Variants in CERS4 observed in about 807,000 individuals in gnomAD.
CERS4 encodes LAG1 homolog, ceramide synthase 4.
A neutral mutation model predicts 51.8 loss-of-function variants in CERS4; 65 were observed. That is an observed-to-expected ratio of 1.26 (90% confidence interval 1.03 to 1.54). The LOEUF is 1.54. Ranked by LOEUF, CERS4 falls within the 40% of genes most tolerant of loss-of-function variation. The pLI is 0.00. For missense variants in CERS4, 563 were observed against 500.4 expected, an observed-to-expected ratio of 1.13 and a Z score of -1.19; for synonymous variants, 228 against 208.4, an observed-to-expected ratio of 1.09 and a Z score of -0.81.
chr19:8,225,502 C>T (rs533492224), intron 2 of CERS4, among the ~76,000 whole-genome samples: 1 of 150,348 alleles, frequency 6.7e-6, no homozygotes, highest in Non-Finnish European at 1.5e-5. Context: ...CGGCTAACTG[C>T]AACCTCCGCC....
At chr19:8,261,365 A>G in intron 10 of CERS4, 2 of 304,604 alleles carry the variant, frequency 6.6e-6, no homozygotes, top group Non-Finnish European at 1.2e-5. Flanking sequence ...GATGAAGGGG[A>G]GGTGATGGGG....
intron 2 of CERS4, among the ~76,000 whole-genome samples, chr19:8,214,722 C>T (rs1044124936): frequency 6.6e-6 from 1 of 152,050 alleles, no homozygotes; most frequent in Non-Finnish European, 1.5e-5. Flanking sequence ...TGCTGGGGTG[C>T]TCGAACCTTG....
At chr19:8,261,876 C>G in intron 11 of CERS4, 32 bp downstream of exon 11, 1 of 1,613,342 alleles carries the variant, frequency 6.2e-7, no homozygotes, top group Admixed American at 1.7e-5. Context: ...GGCCCCAGCC[C>G]TAAGCTCCTC....
chr19:8,257,235 G>C (rs1969440831), intron 9 of CERS4, 158 bp downstream of exon 9: 1 of 761,900 alleles, frequency 1.3e-6, no homozygotes, highest in Non-Finnish European at 2.1e-6. Context: ...CTGTCTTCCA[G>C]GCTGATAAGG....
At chr19:8,251,837 C>T (rs1286770030) in intron 3 of CERS4, among the ~76,000 whole-genome samples, 1 of 151,672 alleles carries the variant, frequency 6.6e-6, no homozygotes, top group East Asian at 1.9e-4. Context: ...GTTATCCCAT[C>T]CCAAAGGCAT....
chr19:8,251,033 T>C, intron 2 of CERS4, 43 bp from the exon 3 acceptor site: 1 of 1,534,034 alleles, frequency 6.5e-7, no homozygotes, highest in African/African-American at 1.4e-5. Context: ...CCCCACCCAT[T>C]CTGCTTGCAG....
At chr19:8,261,409 A>AC in intron 10 of CERS4, 1 of 450,702 alleles carries the variant, frequency 2.2e-6, no homozygotes, top group Non-Finnish European at 4.0e-6. Flanking sequence ...CCAGAGTGCC[A>AC]CCCAGGAAAG....
Position 8,255,715 on chromosome 19 carries a change from T to C in CERS4, c.400T>C (p.Cys134Arg), listed in dbSNP as rs1322076046. 1.2e-6 allele frequency: 2 copies of C among 1,610,092 alleles called. No individual in the cohort carries two copies. The highest frequency in any genetic ancestry group is 2.7e-5 in the African/African-American group (2 of 74,670). Residue 134 changes from cysteine (C) to arginine (R), a missense_variant, in exon 5 of 12, where the codon TGT (cysteine) becomes CGT (arginine). By Grantham distance (180) the Cys-to-Arg change is radical (BLOSUM62 -3). Transcript: ENST00000251363. The stretch of plus-strand genomic sequence containing the variant: ...TCGACCCCAGCTGACCAAGAAGTTC[T>C]GTGAGGCCAGGTAAGCCCAGGATGG... Reference protein sequence around the residue: ...QDRPQLTKKFCEASWRFLFYL... With the variant: ...QDRPQLTKKFREASWRFLFYL...
chr19:8,212,300 T>C (rs1344416149), intron 2 of CERS4, among the ~76,000 whole-genome samples: 1 of 151,712 alleles, frequency 6.6e-6, no homozygotes, highest in Non-Finnish European at 1.5e-5. Context: ...CTGGACCAGG[T>C]GAAGGCGTGG....
At chr19:8,226,509 T>TC (rs1967794356) in intron 2 of CERS4, among the ~76,000 whole-genome samples, 1 of 152,044 alleles carries the variant, frequency 6.6e-6, no homozygotes, top group African/African-American at 2.4e-5. Flanking sequence ...TTAGAGCAGG[T>TC]TGAGTGAAGG....
intron 2 of CERS4, among the ~76,000 whole-genome samples, chr19:8,220,837 T>C: frequency 6.6e-6 from 1 of 151,590 alleles, no homozygotes; most frequent in Non-Finnish European, 1.5e-5. Context: ...TTGTTTTTTT[T>C]TTGAGACGGA....
At position 8,255,599 on chromosome 19, in the gene CERS4, CT is replaced by C; in HGVS notation, c.292-7del. 2 of 1,607,266 alleles carry C rather than the reference CT, an allele frequency of 1.2e-6. No homozygotes were observed. The highest frequency in any genetic ancestry group is 1.7e-6 in the Non-Finnish European group (2 of 1,177,494). On this transcript the variant is annotated splice_region_variant and splice_polypyrimidine_tract_variant and intron_variant, in intron 4 of 11. Transcript: ENST00000251363. The stretch of plus-strand genomic sequence containing the variant: ...CTGTGACCCTTGTCCTCATCACCCC[CT>C]CCCCAGCCCCAGCTGTCTCTCCTGG...
intron 4 of CERS4, among the ~76,000 whole-genome samples, 169 bp from the exon 5 acceptor site, chr19:8,255,438 C>T (rs183627052): frequency 3.3e-4 from 50 of 152,318 alleles, no homozygotes; most frequent in Admixed American, 7.8e-4. Flanking sequence ...AAGTGTTCTG[C>T]AGGGCCCCAC....
intron 2 of CERS4, among the ~76,000 whole-genome samples, chr19:8,249,400 G>A (rs1427260843): frequency 2.6e-5 from 4 of 152,056 alleles, no homozygotes. Context: ...GGCTCCTCAA[G>A]CAGGCTGGGA....
At chr19:8,260,802 T>C (rs1294709821) in intron 10 of CERS4, among the ~76,000 whole-genome samples, 3 of 151,168 alleles carry the variant, frequency 2.0e-5, no homozygotes, top group African/African-American at 7.3e-5. Context: ...AATACAAAAA[T>C]TAGCTGGGCG....
At chr19:8,261,527 C>T (rs1248188830) in intron 10 of CERS4, 161 bp from the exon 11 acceptor site, 22 of 747,808 alleles carry the variant, frequency 2.9e-5, no homozygotes, top group South Asian at 1.5e-4. Context: ...GAGGGGGCCT[C>T]GCGTGCCCAG....
At chr19:8,233,544 TCAC>T (rs1968108832) in intron 2 of CERS4, among the ~76,000 whole-genome samples, 1 of 152,058 alleles carries the variant, frequency 6.6e-6, no homozygotes, top group Non-Finnish European at 1.5e-5. Flanking sequence ...GTGGCTGACT[TCAC>T]CATTACCAGA....
intron 10 of CERS4, among the ~76,000 whole-genome samples, chr19:8,258,261 T>C (rs1969501491): frequency 6.6e-6 from 1 of 152,126 alleles, no homozygotes; most frequent in Admixed American, 6.6e-5. Context: ...TAAATATTTG[T>C]GGGGGCCTCT....
At chr19:8,221,067 T>C (rs370764890) in intron 2 of CERS4, among the ~76,000 whole-genome samples, 9 of 151,842 alleles carry the variant, frequency 5.9e-5, no homozygotes, top group Non-Finnish European at 1.5e-5. Flanking sequence ...CCTTGTGATC[T>C]GCCCGCCTCG....
Sources: gnomAD v4.1 joint callset for allele counts (sites outside exome capture counted in the v4.1 genomes callset) on GRCh38, gnomAD v4.1.1 for gene constraint, MANE v1.5 for transcripts, NCBI Gene and HGNC (gene_info 2026-07-23, HGNC 2026-07-21) for gene names.